KRIT1: variants seen among roughly 807,000 people sequenced by gnomAD.
The protein encoded by KRIT1 is krev interaction trapped protein 1.
In KRIT1, 45 loss-of-function variants were observed where a neutral mutation model predicts 95.8. That is an observed-to-expected ratio of 0.47 (90% confidence interval 0.37 to 0.60). The LOEUF (loss-of-function observed/expected upper bound fraction) is 0.60, where lower values mean the gene tolerates loss of function less well. Among genes scored for constraint, KRIT1 ranks in the 20% least tolerant of loss-of-function variants. The probability of loss-of-function intolerance (pLI) is 0.00; values close to 1 mark genes in which losing one functional copy is unlikely to be tolerated. For missense variants in KRIT1, 788 were observed against 877.5 expected, an observed-to-expected ratio of 0.90 and a Z score of 1.29; for synonymous variants, 282 against 278.8, an observed-to-expected ratio of 1.01 and a Z score of -0.11.
chr7:92,221,560 A>G (rs1191567694), intron 14 of KRIT1, among the ~76,000 whole-genome samples: 1 of 152,186 alleles, frequency 6.6e-6, no homozygotes, highest in Non-Finnish European at 1.5e-5. Context: ...TTCCTTCAAA[A>G]TGTATACAAC....
At chr7:92,235,681 T>C (rs1308746257) in intron 7 of KRIT1, 35 bp from the exon 8 acceptor site, 3 of 1,609,384 alleles carry the variant, frequency 1.9e-6, no homozygotes, top group Admixed American at 3.3e-5. Context: ...AAGTAGCCAT[T>C]CGAAAGTGAA....
chr7:92,242,248 T>C lies in KRIT1; in HGVS notation c.-2-111A>G. 4.2e-6 allele frequency: 3 copies of C among 715,212 alleles called. No individual in the cohort carries two copies. The Admixed American group carries it at 6.8e-5, about 16-fold the overall frequency. The allele number at this position is 715,212 out of a possible 1,614,324, so 44.3% of individuals were successfully genotyped here. ...GAAAACTTTTATTTCCACATAATCA[T>C]GTCGAAAAAATTAAAAAAAAATAAA... On this transcript the variant is annotated intron_variant, in intron 3 of 18. Coordinates refer to ENST00000394505, the MANE Select transcript of KRIT1 (RefSeq NM_194454.3).
chr7:92,217,423 T>G (rs1318143069), intron 14 of KRIT1, among the ~76,000 whole-genome samples: 2 of 152,176 alleles, frequency 1.3e-5, no homozygotes. Context: ...TGGTAAGAAC[T>G]TCCCACCCCT....
chr7:92,225,652 G>T, intron 12 of KRIT1, 68 bp downstream of exon 12: 4 of 923,348 alleles, frequency 4.3e-6, no homozygotes, highest in Middle Eastern at 3.2e-4. Context: ...TCTTGCCACA[G>T]ATCCTCAAAT....
intron 10 of KRIT1, among the ~76,000 whole-genome samples, chr7:92,228,070 G>A (rs1295176022): frequency 6.6e-6 from 1 of 152,008 alleles, no homozygotes; most frequent in African/African-American, 2.4e-5. Context: ...GCCCAACCTG[G>A]CCTCTAACTC....
intron 10 of KRIT1, among the ~76,000 whole-genome samples, chr7:92,227,774 G>A (rs1796494005): frequency 6.6e-6 from 1 of 152,008 alleles, no homozygotes; most frequent in Non-Finnish European, 1.5e-5. Context: ...AACACTTTGG[G>A]AGGCCGAGGT....
chr7:92,215,350 AG>A (rs1048002388), intron 14 of KRIT1, among the ~76,000 whole-genome samples: 59 of 152,208 alleles, frequency 3.9e-4, no homozygotes, highest in African/African-American at 1.4e-3. Flanking sequence ...AGAAGATAAA[AG>A]GAAGTATCTT....
intron 10 of KRIT1, among the ~76,000 whole-genome samples, chr7:92,232,854 C>T (rs920978949): frequency 1.3e-5 from 2 of 152,078 alleles, no homozygotes; most frequent in African/African-American, 2.4e-5. Context: ...CCACCACACC[C>T]GGCTAATTTT....
chr7:92,220,969 T>C (rs1487638552), intron 14 of KRIT1, among the ~76,000 whole-genome samples: 1 of 151,754 alleles, frequency 6.6e-6, no homozygotes, highest in Non-Finnish European at 1.5e-5. Flanking sequence ...ATTACAGGCA[T>C]GAGCCACTGT....
At chr7:92,229,188 C>A (rs1796791875) in intron 10 of KRIT1, among the ~76,000 whole-genome samples, 1 of 152,172 alleles carries the variant, frequency 6.6e-6, no homozygotes, top group Non-Finnish European at 1.5e-5. Context: ...AATGGTTGAA[C>A]TAATTTACAC....
At chr7:92,235,980 G>C (rs1328898394) in intron 7 of KRIT1, 2 of 257,524 alleles carry the variant, frequency 7.8e-6, no homozygotes, top group Non-Finnish European at 1.5e-5. Context: ...TTTTTTAAAT[G>C]TATGTGCCAT....
Position 92,199,999 on chromosome 7 carries a change from AAC to A in KRIT1, c.*735_*736del, listed in dbSNP as rs1381469762. On this transcript the variant is annotated 3_prime_UTR_variant, in exon 19 of 19. Transcript: ENST00000394505. The stretch of plus-strand genomic sequence containing the variant: ...TAGACTGCAGAAAACTGTTTTAAAT[AAC>A]AGTGTTATGTGGTTCAAGTAGAAAA... 2 of 152,762 alleles carry A rather than the reference AAC, an allele frequency of 1.3e-5. No individual in the cohort carries two copies. The highest frequency in any genetic ancestry group is 1.9e-4 in the East Asian group (1 of 5,190). The allele number at this position is 152,762 out of a possible 1,614,324, so 9.5% of individuals were successfully genotyped here.
chr7:92,200,467 C>G lies in KRIT1; in HGVS notation c.*269G>C, dbSNP rs1789899725. 4 of 414,324 alleles carry G rather than the reference C, an allele frequency of 9.7e-6. No homozygotes were observed. The highest frequency in any genetic ancestry group is 8.9e-5 in the South Asian group (4 of 45,170). The allele number at this position is 414,324 out of a possible 1,614,324, so 25.7% of individuals were successfully genotyped here. A position where few individuals can be genotyped will look rare whatever the true frequency, so the allele number is the denominator to read the frequency against. On this transcript the variant is annotated 3_prime_UTR_variant, in exon 19 of 19. Transcript: ENST00000394505. ...CCTCCTGGGTTTAAGCGATCTCCCA[C>G]CTTGGCCTCCCTAGTAGCTAGGATT...
In KRIT1 at chr7:92,234,871, G is replaced by T; in HGVS notation, c.782C>A (p.Ser261Ter). Residue 261 changes from serine to a stop codon, truncating the protein, a stop_gained, in exon 9 of 19, where the codon TCA becomes TAA. Transcript: ENST00000394505. LOFTEE classifies it high-confidence loss of function. ...TTCCTGTTTAGGTATTTGGATTTTTGAGTAGTCTGGAGCTCCTAGACCAAA... is the reference window on the plus strand; with the variant it reads ...TTCCTGTTTAGGTATTTGGATTTTTTAGTAGTCTGGAGCTCCTAGACCAAA... ...PYFGLGAPDY[S>*]KIQIPKQEKW... 1 of 1,608,314 alleles carries T rather than the reference G, an allele frequency of 6.2e-7. No individual in the cohort carries two copies. Among genetic ancestry groups the T allele is most frequent in the Non-Finnish European group, 8.5e-7 (1 of 1,174,876 alleles).
chr7:92,227,310 A>G (rs1016744306), intron 10 of KRIT1, among the ~76,000 whole-genome samples: 4 of 152,176 alleles, frequency 2.6e-5, no homozygotes, highest in Non-Finnish European at 5.9e-5. Flanking sequence ...CACACCTATA[A>G]TCCCAGCACT....
At chr7:92,226,888 TA>T (rs1228321797) in intron 10 of KRIT1, among the ~76,000 whole-genome samples, 1 of 152,214 alleles carries the variant, frequency 6.6e-6, no homozygotes, top group African/African-American at 2.4e-5. Flanking sequence ...CTGGTTCAAT[TA>T]AACTGTTTCT....
chr7:92,202,122 C>T (rs1442583146), intron 17 of KRIT1: 3 of 152,178 alleles, frequency 2.0e-5, no homozygotes, highest in Non-Finnish European at 4.4e-5. Flanking sequence ...ACTGGGTTAA[C>T]ATGTTTACTT....
intron 10 of KRIT1, among the ~76,000 whole-genome samples, chr7:92,232,345 T>C (rs960671901): frequency 3.9e-5 from 6 of 152,150 alleles, no homozygotes; most frequent in Non-Finnish European, 7.3e-5. Flanking sequence ...CCATCTCGTA[T>C]AGATAAAGAA....
chr7:92,240,668 T>G (rs1267383001), intron 5 of KRIT1, among the ~76,000 whole-genome samples: 1 of 152,192 alleles, frequency 6.6e-6, no homozygotes, highest in Non-Finnish European at 1.5e-5. Flanking sequence ...AACATTAACT[T>G]TTACTTAGTT....
Sources: allele counts gnomAD v4.1 joint callset (sites outside exome capture counted in the v4.1 genomes callset), GRCh38; gene constraint gnomAD v4.1.1; transcripts MANE v1.5; gene names NCBI Gene and HGNC (gene_info 2026-07-23, HGNC 2026-07-21).